The following MEI4 variants were observed in gnomAD, a reference collection of about 807,000 sequenced individuals.
MEI4 encodes the protein meiotic double-stranded break formation protein 4, also known as meiosis-specific protein MEI4.
Under a neutral mutation model 31.4 loss-of-function variants are expected in MEI4, and 27 were observed. That is an observed-to-expected ratio of 0.86 (90% CI 0.63 to 1.19). MEI4 has a LOEUF of 1.19. Ranked by LOEUF, MEI4 falls within the 50% of genes most tolerant of loss-of-function variation. MEI4 has a pLI of 0.00. For missense variants in MEI4, 329 were observed against 398.9 expected, an observed-to-expected ratio of 0.82 and a Z score of 1.49; for synonymous variants, 122 against 145.4, an observed-to-expected ratio of 0.84 and a Z score of 1.16.
rs541227212 is a variant in MEI4, at chr6:77,712,078, C to CAGT, written c.232+21177_232+21179dup. 7.2e-5 allele frequency among the ~76,000 whole-genome samples: 11 copies of CAGT among 152,246 alleles called. No individual in the cohort carries two copies. In the East Asian group the frequency reaches 1.5e-3, roughly 21 times the overall value. Reference sequence around the variant, plus strand: ...TAAGCTGGCTATGAAATATTATTGGCAGTACGCTGAACATTTGCAAGAAAC... The same window carrying CAGT: ...TAAGCTGGCTATGAAATATTATTGGCAGTAGTACGCTGAACATTTGCAAGAAAC... On this transcript the variant is annotated intron_variant, in intron 2 of 4. Coordinates refer to ENST00000684080, the MANE Select transcript of MEI4 (RefSeq NM_001322247.2).
intron 2 of MEI4, among the ~76,000 whole-genome samples, chr6:77,713,837 A>G (rs1297757984): frequency 1.3e-5 from 2 of 152,154 alleles, no homozygotes; most frequent in African/African-American, 4.8e-5. Flanking sequence ...TCTGTTAAAC[A>G]TCATCTCTAC....
chr6:77,683,739 T>C (rs1311916073), intron 1 of MEI4, among the ~76,000 whole-genome samples: 1 of 152,228 alleles, frequency 6.6e-6, no homozygotes, highest in Non-Finnish European at 1.5e-5. Flanking sequence ...TTCTAAAGAC[T>C]GAATAGCATT....
At chr6:77,660,966 T>A (rs1267469956) in intron 1 of MEI4, among the ~76,000 whole-genome samples, 1 of 152,054 alleles carries the variant, frequency 6.6e-6, no homozygotes, top group Non-Finnish European at 1.5e-5. Flanking sequence ...AAGAGAAGAT[T>A]AGCAGCCTGG....
Position 77,904,448 on chromosome 6 carries a change from C to T in MEI4, c.901-18641C>T, listed in dbSNP as rs374761997. ...GTACTCAATAGGTAGTTTTGCAATC[C>T]TCACTCTACTCCCACCCCCCACTCT... is the stretch of plus-strand genomic sequence containing the variant. On this transcript the variant is annotated intron_variant, in intron 4 of 4. Transcript: ENST00000684080. Among the ~76,000 whole-genome samples, 6 of 152,100 alleles carry T rather than the reference C, an allele frequency of 3.9e-5. No individual in the cohort carries two copies. The East Asian group carries it at 1.2e-3, about 29-fold the overall frequency.
intron 3 of MEI4, among the ~76,000 whole-genome samples, chr6:77,797,472 G>C (rs1195820400): frequency 6.6e-6 from 1 of 152,098 alleles, no homozygotes; most frequent in East Asian, 1.9e-4. Flanking sequence ...AAAGTCCCAT[G>C]GTGGGCCATC....
intron 3 of MEI4, among the ~76,000 whole-genome samples, chr6:77,788,972 C>T (rs1412463457): frequency 2.0e-5 from 3 of 152,144 alleles, no homozygotes; most frequent in South Asian, 2.1e-4. Flanking sequence ...AAGAACAAAG[C>T]TGGAGGCATC....
At chr6:77,743,521 G>A (rs1767480780) in intron 2 of MEI4, among the ~76,000 whole-genome samples, 1 of 152,114 alleles carries the variant, frequency 6.6e-6, no homozygotes, top group Non-Finnish European at 1.5e-5. Flanking sequence ...GAGATTTTGG[G>A]CTGAGATGAC....
intron 4 of MEI4, among the ~76,000 whole-genome samples, chr6:77,864,089 A>T (rs1394377045): frequency 6.6e-6 from 1 of 152,206 alleles, no homozygotes; most frequent in Non-Finnish European, 1.5e-5. Context: ...AGCACTAAAC[A>T]TGGAAAGGAA....
chr6:77,804,072 G>A (rs547914340), intron 3 of MEI4, among the ~76,000 whole-genome samples: 1 of 152,312 alleles, frequency 6.6e-6, no homozygotes, highest in South Asian at 2.1e-4. Context: ...CCCCAGCGGT[G>A]AAGTCTACAG....
At chr6:77,883,744 A>ATATATATATATATATATATATATAT (rs1491236242) in intron 4 of MEI4, among the ~76,000 whole-genome samples, 22 of 124,956 alleles carry the variant, frequency 1.8e-4, no homozygotes, top group East Asian at 5.2e-4. Flanking sequence ...ATATATATAT[A>ATATATATATATATATATATATATAT]ACTTTGTCTT....
At chr6:77,827,749 C>T (rs77483614) in intron 3 of MEI4, among the ~76,000 whole-genome samples, 1 of 152,042 alleles carries the variant, frequency 6.6e-6, no homozygotes, top group Non-Finnish European at 1.5e-5. Context: ...CAAAAAAATT[C>T]CACTGTATTT....
intron 3 of MEI4, among the ~76,000 whole-genome samples, chr6:77,774,918 C>T (rs9448209): frequency 0.17 from 26,486 of 151,942 alleles, 2,937 homozygotes; most frequent in East Asian, 0.39. Context: ...TCTTAAATAA[C>T]AGTGTATACA....
chr6:77,775,070 C>A (rs13219696), intron 3 of MEI4, among the ~76,000 whole-genome samples: 22,548 of 152,022 alleles, frequency 0.15, 2,029 homozygotes, highest in East Asian at 0.39. Context: ...TGTCTAATAT[C>A]TCTCTGCCTC....
At chr6:77,863,865 G>C (rs1770940858) in intron 4 of MEI4, among the ~76,000 whole-genome samples, 1 of 152,222 alleles carries the variant, frequency 6.6e-6, no homozygotes, top group South Asian at 2.1e-4. Context: ...AAGACCATCA[G>C]ACTAACAGCT....
At chr6:77,688,215 TAAG>T (rs1455901771) in intron 1 of MEI4, among the ~76,000 whole-genome samples, 3 of 152,130 alleles carry the variant, frequency 2.0e-5, no homozygotes, top group African/African-American at 4.8e-5. Flanking sequence ...GTTCTACAAT[TAAG>T]AAGGCATACA....
At chr6:77,815,697 G>A (rs1200489689) in intron 3 of MEI4, among the ~76,000 whole-genome samples, 2 of 152,054 alleles carry the variant, frequency 1.3e-5, no homozygotes. Flanking sequence ...GGCATGTGCT[G>A]GAATGTTAGG....
chr6:77,699,540 C>T (rs916581501), intron 2 of MEI4, among the ~76,000 whole-genome samples: 6 of 152,180 alleles, frequency 3.9e-5, no homozygotes, highest in Non-Finnish European at 5.9e-5. Flanking sequence ...TCCTCTAGCT[C>T]GGAGTGGTTT....
chr6:77,849,095 C>T (rs1428212386), intron 4 of MEI4, among the ~76,000 whole-genome samples: 4 of 150,508 alleles, frequency 2.7e-5, no homozygotes, highest in Non-Finnish European at 5.9e-5. Context: ...AAGAAATAAA[C>T]AAAAATAAAA....
In MEI4 at chr6:77,792,901, A is replaced by G. The variant is rs991081075; in HGVS notation, c.768+31236A>G. Among the ~76,000 whole-genome samples the G allele has an allele frequency of 8.6e-5, 13 of 152,000 alleles. 1 individual carries two copies. Among genetic ancestry groups the G allele is most frequent in the African/African-American group, 3.1e-4 (13 of 41,470 alleles). On this transcript the variant is annotated intron_variant, in intron 3 of 4. Coordinates refer to ENST00000684080, the MANE Select transcript of MEI4 (RefSeq NM_001322247.2). The stretch of plus-strand genomic sequence containing the variant: ...CTAATGTTTTGTATTTTTAGTAGAG[A>G]CAGGGTTTCACCATGTTAGCCAGGA...
Sources: allele counts gnomAD v4.1 joint callset (sites outside exome capture counted in the v4.1 genomes callset), GRCh38; gene constraint gnomAD v4.1.1; transcripts MANE v1.5; gene names NCBI Gene and HGNC (gene_info 2026-07-23, HGNC 2026-07-21).